The following HS6ST3 variants were observed in gnomAD, a reference collection of about 807,000 sequenced individuals.
HS6ST3 encodes the protein heparan sulfate 6-O-sulfotransferase 3, also known as heparan-sulfate 6-O-sulfotransferase 3.
A neutral mutation model predicts 36.7 loss-of-function variants in HS6ST3; 12 were observed. The ratio of observed to expected loss-of-function variants is 0.33; its 90% CI spans 0.21 to 0.53. The LOEUF is 0.53. HS6ST3 is among the 20% of genes least tolerant of loss of function. HS6ST3 has a pLI of 0.95. For synonymous variants in HS6ST3, 240 were observed against 257.5 expected, an observed-to-expected ratio of 0.93 and a Z score of 0.65; for missense variants, 584 against 640.9, an observed-to-expected ratio of 0.91 and a Z score of 0.96.
At chr13:96,356,434 C>T (rs758991809) in intron 1 of HS6ST3, among the ~76,000 whole-genome samples, 1 of 152,048 alleles carries the variant, frequency 6.6e-6, no homozygotes, top group Non-Finnish European at 1.5e-5. Flanking sequence ...AGGTATTACT[C>T]CTTGATCTAT....
chr13:96,773,613 G>A (rs1056796911), intron 1 of HS6ST3, among the ~76,000 whole-genome samples: 3 of 152,202 alleles, frequency 2.0e-5, no homozygotes, highest in African/African-American at 7.2e-5. Context: ...GCTGTAGCCA[G>A]ACTGCCTCTC....
intron 1 of HS6ST3, among the ~76,000 whole-genome samples, chr13:96,735,268 T>C (rs183051009): frequency 6.6e-6 from 1 of 152,172 alleles, no homozygotes; most frequent in East Asian, 1.9e-4. Flanking sequence ...GCAAAATTAT[T>C]TTTATTTTAT....
At chr13:96,205,982 A>G (rs1459937115) in intron 1 of HS6ST3, among the ~76,000 whole-genome samples, 1 of 152,166 alleles carries the variant, frequency 6.6e-6, no homozygotes, top group African/African-American at 2.4e-5. Flanking sequence ...GGCAAGAGAA[A>G]GAAATAAAGG....
intron 1 of HS6ST3, among the ~76,000 whole-genome samples, chr13:96,686,512 G>A (rs548574986): frequency 6.6e-5 from 10 of 152,038 alleles, no homozygotes; most frequent in East Asian, 1.9e-4. Context: ...TTTGATCATC[G>A]TTTTTTATTG....
At chr13:96,735,925 G>A (rs767248480) in intron 1 of HS6ST3, among the ~76,000 whole-genome samples, 1 of 152,136 alleles carries the variant, frequency 6.6e-6, no homozygotes, top group African/African-American at 2.4e-5. Flanking sequence ...CAGGGAAATG[G>A]ATGGAGCTGG....
chr13:96,804,438 A>G lies in HS6ST3; in HGVS notation c.708-28052A>G, dbSNP rs1057055204. ...TTATTCTGATTACACATGCAGAGCC[A>G]TAAATCCTTAAGGGCTCTGTGTCTG... On this transcript the variant is annotated intron_variant, in intron 1 of 1. Transcript: ENST00000376705. Among the ~76,000 whole-genome samples the G allele has an allele frequency of 2.6e-5, 4 of 152,286 alleles. No homozygotes were observed. In the East Asian group the frequency reaches 5.8e-4, roughly 22 times the overall value.
chr13:96,460,269 A>C (rs1048310789), intron 1 of HS6ST3, among the ~76,000 whole-genome samples: 1 of 152,230 alleles, frequency 6.6e-6, no homozygotes, highest in South Asian at 2.1e-4. Flanking sequence ...GCTTCAGACT[A>C]TAAGATAGTA....
rs1326264352 is a variant in HS6ST3, at chr13:96,662,520, GT to G, written c.708-169969del. Among the ~76,000 whole-genome samples, 20 of 1,406 alleles carry G rather than the reference GT, an allele frequency of 0.014. No individual in the cohort carries two copies. In the South Asian group the frequency reaches 0.17, roughly 12 times the overall value. The allele number at this position is 1,406 out of a possible 152,430, so 0.9% of individuals were successfully genotyped here. A position where few individuals can be genotyped will look rare whatever the true frequency, so the allele number is the denominator to read the frequency against. On this transcript the variant is annotated intron_variant, in intron 1 of 1. Coordinates refer to ENST00000376705, the MANE Select transcript of HS6ST3 (RefSeq NM_153456.4). ...GTTTGTGTGTGTGTGTATGGGGTGT[GT>G]GTGTGTGTGTGTGTGTGTGTGTGTG...
At chr13:96,230,052 G>A (rs2054500389) in intron 1 of HS6ST3, among the ~76,000 whole-genome samples, 1 of 152,198 alleles carries the variant, frequency 6.6e-6, no homozygotes, top group African/African-American at 2.4e-5. Flanking sequence ...GGAGGAACAT[G>A]TTGAATTGGC....
rs149211340 is a variant in HS6ST3 at position 96,415,290 on chromosome 13, C to T, written c.707+323721C>T. 3.0e-3 allele frequency among the ~76,000 whole-genome samples: 463 copies of T among 152,242 alleles called. 3 individuals carry two copies. Among genetic ancestry groups the T allele is most frequent in the African/African-American group, 0.011 (440 of 41,538 alleles). On this transcript the variant is annotated intron_variant, in intron 1 of 1. Coordinates refer to ENST00000376705, the MANE Select transcript of HS6ST3 (RefSeq NM_153456.4). The stretch of plus-strand genomic sequence containing the variant: ...GGAGGGAGGTAGAGTCATCTTACTC[C>T]GTTGCCGGTGAAATCACAGGAATCC...
intron 1 of HS6ST3, among the ~76,000 whole-genome samples, chr13:96,252,692 C>T (rs1367784624): frequency 6.6e-6 from 1 of 152,096 alleles, no homozygotes; most frequent in East Asian, 1.9e-4. Flanking sequence ...GAAATGTAAT[C>T]CCCAGCATTG....
chr13:96,588,559 C>G (rs889438268), intron 1 of HS6ST3, among the ~76,000 whole-genome samples: 1 of 152,126 alleles, frequency 6.6e-6, no homozygotes, highest in African/African-American at 2.4e-5. Flanking sequence ...GTTGAATCAT[C>G]CTTGCATCCC....
At chr13:96,792,721 A>G (rs1371921459) in intron 1 of HS6ST3, among the ~76,000 whole-genome samples, 2 of 152,020 alleles carry the variant, frequency 1.3e-5, no homozygotes, top group African/African-American at 2.4e-5. Context: ...CAGTAGGGGA[A>G]GTTTTCCTAT....
chr13:96,310,414 G>A (rs2054934507), intron 1 of HS6ST3, among the ~76,000 whole-genome samples: 1 of 152,098 alleles, frequency 6.6e-6, no homozygotes. Flanking sequence ...GAAGGTGGAA[G>A]GGTTGTCTCA....
chr13:96,697,809 C>T (rs1875171766), intron 1 of HS6ST3, among the ~76,000 whole-genome samples: 1 of 152,064 alleles, frequency 6.6e-6, no homozygotes, highest in African/African-American at 2.4e-5. Flanking sequence ...ATGGCCCATC[C>T]AGCTCAATTA....
intron 1 of HS6ST3, among the ~76,000 whole-genome samples, chr13:96,278,778 T>C (rs563795704): frequency 1.3e-5 from 2 of 152,328 alleles, no homozygotes; most frequent in East Asian, 3.9e-4. Flanking sequence ...TCTAACCTTA[T>C]TCAAGGTTTT....
intron 1 of HS6ST3, among the ~76,000 whole-genome samples, chr13:96,396,213 C>T (rs1005175459): frequency 1.3e-5 from 2 of 152,062 alleles, no homozygotes; most frequent in Non-Finnish European, 2.9e-5. Context: ...ACCCTGGAGG[C>T]TGAGGCAGGA....
chr13:96,836,131 C>T lies in HS6ST3; in HGVS notation c.*2933C>T, dbSNP rs974258699. 9.9e-5 allele frequency: 15 copies of T among 152,182 alleles called. No homozygotes were observed. The highest frequency in any genetic ancestry group is 3.4e-4 in the African/African-American group (14 of 41,438). 9.4% of individuals were successfully genotyped at this position (152,182 alleles called of 1,614,324 possible). A position where few individuals can be genotyped will look rare whatever the true frequency, so the allele number is the denominator to read the frequency against. ...TCTGGGCCTAAGGATCCATGGAAGTCAGGAGCATTAAATCCCAAACCAAAT... is the reference window on the plus strand; with the variant it reads ...TCTGGGCCTAAGGATCCATGGAAGTTAGGAGCATTAAATCCCAAACCAAAT... On this transcript the variant is annotated 3_prime_UTR_variant, in exon 2 of 2. Coordinates refer to ENST00000376705, the MANE Select transcript of HS6ST3 (RefSeq NM_153456.4).
intron 1 of HS6ST3, among the ~76,000 whole-genome samples, chr13:96,766,509 G>GA (rs1017070807): frequency 1.3e-5 from 2 of 152,092 alleles, no homozygotes; most frequent in African/African-American, 4.8e-5. Flanking sequence ...GTCTAGGTGG[G>GA]ATAACATTTG....
Sources: gnomAD v4.1 joint callset for allele counts (sites outside exome capture counted in the v4.1 genomes callset) on GRCh38, gnomAD v4.1.1 for gene constraint, MANE v1.5 for transcripts, NCBI Gene and HGNC (gene_info 2026-07-23, HGNC 2026-07-21) for gene names.